The following MYO18B variants were observed in gnomAD, a reference collection of about 807,000 sequenced individuals.
MYO18B encodes unconventional myosin-XVIIIb.
In MYO18B, 204 loss-of-function variants were observed where a neutral mutation model predicts 273.0. The observed-to-expected ratio is 0.75, with a 90% confidence interval of 0.67 to 0.84. The LOEUF (loss-of-function observed/expected upper bound fraction) is 0.84, where lower values mean the gene tolerates loss of function less well. MYO18B is among the 40% of genes least tolerant of loss of function. The pLI, the probability that MYO18B is intolerant of heterozygous loss-of-function variation, is 0.00. For synonymous variants in MYO18B, 1,330 were observed against 1,305.7 expected (o/e 1.02, Z -0.40); for missense variants, 3,212 against 3,287.6 (o/e 0.98, Z 0.56).
At chr22:25,805,998 GTC>G (rs1458734055) in intron 12 of MYO18B, among the ~76,000 whole-genome samples, 2 of 152,166 alleles carry the variant, frequency 1.3e-5, no homozygotes, top group African/African-American at 4.8e-5. Flanking sequence ...TTGGATTAAT[GTC>G]TGTCTCCCAT....
chr22:25,876,804 T>C (rs904426145), intron 24 of MYO18B: 4 of 152,282 alleles, frequency 2.6e-5, no homozygotes, highest in African/African-American at 7.2e-5. Context: ...ATTTAGTTCT[T>C]ATATTTCTTA....
intron 3 of MYO18B, 119 bp from the exon 4 acceptor site, chr22:25,767,996 C>A: frequency 1.0e-6 from 1 of 988,926 alleles, no homozygotes; most frequent in Non-Finnish European, 1.5e-6. Flanking sequence ...GGTGCTCGAG[C>A]ATCTGTGGAA....
chr22:25,928,459 G>A (rs1186393190), intron 34 of MYO18B, among the ~76,000 whole-genome samples: 3 of 149,540 alleles, frequency 2.0e-5, no homozygotes, highest in East Asian at 3.9e-4. Flanking sequence ...GAGCCCTGAT[G>A]TGCAGAATAT....
chr22:25,787,083 C>T (rs2087423111), intron 11 of MYO18B, among the ~76,000 whole-genome samples: 1 of 152,052 alleles, frequency 6.6e-6, no homozygotes, highest in Non-Finnish European at 1.5e-5. Context: ...AGCGTGGTGG[C>T]ACATGCCTGT....
intron 40 of MYO18B, among the ~76,000 whole-genome samples, chr22:25,999,563 CT>C (rs1340186756): frequency 4.3e-5 from 5 of 115,744 alleles, no homozygotes; most frequent in Non-Finnish European, 1.8e-5. Flanking sequence ...CCTCTTCCCC[CT>C]CCTCCTCTTC....
chr22:25,803,206 G>A (rs1004257067), intron 12 of MYO18B, among the ~76,000 whole-genome samples: 11 of 151,562 alleles, frequency 7.3e-5, no homozygotes, highest in Admixed American at 3.3e-4. Flanking sequence ...CTCGTGATCC[G>A]CCTGCCTCAG....
intron 20 of MYO18B, among the ~76,000 whole-genome samples, chr22:25,849,719 C>T (rs769338755): frequency 4.6e-5 from 7 of 152,094 alleles, no homozygotes; most frequent in Admixed American, 1.3e-4. Flanking sequence ...GCCGTGTGAC[C>T]CCAGGAAATT....
intron 27 of MYO18B, among the ~76,000 whole-genome samples, chr22:25,894,429 A>G (rs6004813): frequency 0.022 from 3,371 of 152,292 alleles, 136 homozygotes; most frequent in African/African-American, 0.076. Flanking sequence ...GCATTATTCT[A>G]TTATTCAGAT....
chr22:25,923,339 T>C (rs1314205721), intron 34 of MYO18B, among the ~76,000 whole-genome samples: 2 of 152,228 alleles, frequency 1.3e-5, no homozygotes, highest in East Asian at 3.8e-4. Context: ...TCCTGGGTCC[T>C]GGGCAAGCCA....
rs191673849 is a variant in MYO18B, at chr22:25,815,284, C to A, written c.2522-8221C>A. 7.9e-4 allele frequency among the ~76,000 whole-genome samples: 120 copies of A among 152,326 alleles called. 1 individual carries two copies. In the Middle Eastern group the frequency reaches 0.01, roughly 13 times the overall value. On this transcript the variant is annotated intron_variant, in intron 12 of 43. Transcript: ENST00000335473. The stretch of plus-strand genomic sequence containing the variant: ...GATCTGGGCTTGGTCCTGGACTCTA[C>A]CTTGCTAGCTGAGTGATCTCAGGCA...
intron 34 of MYO18B, among the ~76,000 whole-genome samples, chr22:25,935,992 G>T (rs946465888): frequency 3.3e-5 from 5 of 152,216 alleles, no homozygotes; most frequent in African/African-American, 1.2e-4. Context: ...CAGTCTCTCA[G>T]TACACGACAT....
intron 39 of MYO18B, among the ~76,000 whole-genome samples, chr22:25,969,685 A>G (rs2146726686): frequency 6.6e-6 from 1 of 152,346 alleles, no homozygotes; most frequent in South Asian, 2.1e-4. Context: ...GAGAGAAGAA[A>G]GAGCTTGACA....
At chr22:25,856,116 A>C (rs2090566862) in intron 21 of MYO18B, among the ~76,000 whole-genome samples, 1 of 152,198 alleles carries the variant, frequency 6.6e-6, no homozygotes, top group Non-Finnish European at 1.5e-5. Flanking sequence ...GCTGCCATAC[A>C]GTTTTTTATA....
chr22:25,983,700 G>A (rs2093171880), intron 39 of MYO18B, among the ~76,000 whole-genome samples: 1 of 152,230 alleles, frequency 6.6e-6, no homozygotes, highest in South Asian at 2.1e-4. Context: ...CAAAAGAAAG[G>A]GAGAAGACAG....
At chr22:25,982,836 G>A (rs1160254943) in intron 39 of MYO18B, among the ~76,000 whole-genome samples, 1 of 152,170 alleles carries the variant, frequency 6.6e-6, no homozygotes, top group Non-Finnish European at 1.5e-5. Context: ...GGATTTACAT[G>A]TTGCCGGATT....
intron 20 of MYO18B, among the ~76,000 whole-genome samples, chr22:25,851,066 A>G (rs568720292): frequency 6.6e-6 from 1 of 152,240 alleles, no homozygotes; most frequent in East Asian, 1.9e-4. Flanking sequence ...TAGACAAAAC[A>G]CTTTCCTTTG....
At chr22:25,904,352 C>G (rs34164743) in intron 31 of MYO18B, among the ~76,000 whole-genome samples, 4 of 152,120 alleles carry the variant, frequency 2.6e-5, no homozygotes, top group Non-Finnish European at 5.9e-5. Flanking sequence ...AACCTCAGCC[C>G]TAAGCTCTCC....
chr22:25,841,375 A>G (rs1033621192), intron 17 of MYO18B, among the ~76,000 whole-genome samples: 4 of 152,048 alleles, frequency 2.6e-5, no homozygotes, highest in African/African-American at 9.6e-5. Context: ...TTGTGGAATA[A>G]AAGTCAACTT....
At position 25,768,180 on chromosome 22, in the gene MYO18B, G is replaced by A. The variant is rs1306048909; in HGVS notation, c.264G>A (p.Gln88=). Residue 88 remains glutamine, a synonymous_variant, in exon 4 of 44, where the codon CAG becomes CAA. Coordinates refer to ENST00000335473, the MANE Select transcript of MYO18B (RefSeq NM_032608.7). ...GCAGTGGCACCAGATCTGGAAGCCA[G>A]CAGATCTCTCAGGACGACCAGTCAA... is the stretch of plus-strand genomic sequence containing the variant. The part of the protein sequence containing the change: ...KSSSGTRSGS[Q]QISQDDQSSS... The A allele has an allele frequency of 6.2e-7, 1 of 1,613,582 alleles. No individual in the cohort carries two copies. The highest frequency in any genetic ancestry group is 8.5e-7 in the Non-Finnish European group (1 of 1,179,746).
Sources: gnomAD v4.1 joint callset for allele counts (sites outside exome capture counted in the v4.1 genomes callset) on GRCh38, gnomAD v4.1.1 for gene constraint, MANE v1.5 for transcripts, NCBI Gene and HGNC (gene_info 2026-07-23, HGNC 2026-07-21) for gene names.